The following ATP13A4 variants were observed in gnomAD, a reference collection of about 807,000 sequenced individuals.
ATP13A4 encodes the protein probable cation-transporting ATPase 13A4.
Under a neutral mutation model 142.5 loss-of-function variants are expected in ATP13A4, and 114 were observed. The observed-to-expected ratio is 0.80, with a 90% CI of 0.69 to 0.93. The LOEUF (loss-of-function observed/expected upper bound fraction) is 0.93, where lower values mean the gene tolerates loss of function less well. ATP13A4 is among the 40% of genes least tolerant of loss of function. The pLI is 0.00. For synonymous variants in ATP13A4, 488 were observed against 514.8 expected (o/e 0.95, Z 0.70); for missense variants, 1,392 against 1,454.0 (o/e 0.96, Z 0.69).
chr3:193,585,683 T>C (rs1166223992), intron 1 of ATP13A4, among the ~76,000 whole-genome samples: 7 of 152,092 alleles, frequency 4.6e-5, no homozygotes, highest in Non-Finnish European at 1.0e-4. Context: ...CCGCAGGTCA[T>C]TCTGTTTGTT....
chr3:193,440,837 CA>C (rs1238653333), intron 20 of ATP13A4, among the ~76,000 whole-genome samples, 200 bp from the exon 21 acceptor site: 1 of 152,056 alleles, frequency 6.6e-6, no homozygotes, highest in African/African-American at 2.4e-5. Flanking sequence ...AAACAAAAAT[CA>C]GTAAAGATAA....
intron 25 of ATP13A4, among the ~76,000 whole-genome samples, chr3:193,427,726 T>G (rs1715742764): frequency 6.6e-6 from 1 of 152,172 alleles, no homozygotes; most frequent in African/African-American, 2.4e-5. Flanking sequence ...CTGGGAAAAC[T>G]GGCTAGCCAT....
chr3:193,492,258 T>C (rs948606666), intron 5 of ATP13A4, among the ~76,000 whole-genome samples: 4 of 152,184 alleles, frequency 2.6e-5, no homozygotes, highest in Non-Finnish European at 5.9e-5. Flanking sequence ...GGGAAGCATG[T>C]GAATCATAGA....
intron 25 of ATP13A4, among the ~76,000 whole-genome samples, chr3:193,431,200 T>C (rs1229441877): frequency 3.9e-5 from 6 of 152,250 alleles, no homozygotes; most frequent in Middle Eastern, 3.4e-3. Flanking sequence ...TTTGTTTCAC[T>C]GATGTATTAT....
intron 25 of ATP13A4, among the ~76,000 whole-genome samples, chr3:193,421,469 AT>A (rs1715397241): frequency 6.7e-6 from 1 of 149,966 alleles, no homozygotes; most frequent in Non-Finnish European, 1.5e-5. Flanking sequence ...ATATGAAAGT[AT>A]AAAATTCACT....
chr3:193,550,447 C>G (rs1723488268), intron 1 of ATP13A4, among the ~76,000 whole-genome samples: 1 of 151,914 alleles, frequency 6.6e-6, no homozygotes, highest in Admixed American at 6.6e-5. Flanking sequence ...GCTGGGACTA[C>G]AGGTGGATAC....
intron 25 of ATP13A4, among the ~76,000 whole-genome samples, chr3:193,415,820 T>C (rs1715030545): frequency 1.3e-5 from 2 of 152,172 alleles, no homozygotes; most frequent in South Asian, 4.1e-4. Flanking sequence ...GGAAATTTCC[T>C]TGGAGGAATT....
rs111458372 is a variant in ATP13A4, at chr3:193,502,009, C to T, written c.381+484G>A. 3.7e-3 allele frequency among the ~76,000 whole-genome samples: 570 copies of T among 152,240 alleles called. 5 individuals are homozygous for T. The highest frequency in any genetic ancestry group is 0.013 in the African/African-American group (533 of 41,552). ...GGGCTGGGCGGTACATGCCTGCAATCCCAGCTACTAGGGAGGCTGAGGCAG... is the reference window on the plus strand; with the variant it reads ...GGGCTGGGCGGTACATGCCTGCAATTCCAGCTACTAGGGAGGCTGAGGCAG... On this transcript the variant is annotated intron_variant, in intron 3 of 29. Coordinates refer to ENST00000342695, the MANE Select transcript of ATP13A4 (RefSeq NM_032279.4).
intron 7 of ATP13A4, among the ~76,000 whole-genome samples, chr3:193,488,305 C>T (rs1719753013): frequency 6.6e-6 from 1 of 152,100 alleles, no homozygotes; most frequent in Admixed American, 6.6e-5. Flanking sequence ...CAGAACAGTA[C>T]ACATAGAATA....
chr3:193,498,277 T>C (rs533305737), intron 3 of ATP13A4, among the ~76,000 whole-genome samples: 1 of 151,116 alleles, frequency 6.6e-6, no homozygotes, highest in African/African-American at 2.4e-5. Context: ...AAGAAAAAGA[T>C]ACTAAAATAC....
In ATP13A4 at chr3:193,491,389, T is replaced by C. The variant is rs6788448; in HGVS notation, c.543A>G (p.Ile181Met). The change falls in exon 6 of 30, where the codon ATA becomes ATG. Residue 181 changes from isoleucine (I) to methionine (M), a missense_variant. Coordinates refer to ENST00000342695, the MANE Select transcript of ATP13A4 (RefSeq NM_032279.4). Reference protein sequence around the residue: ...TREEQEIRRLICGPNTIDVEV... With the variant: ...TREEQEIRRLMCGPNTIDVEV... ...CAACATCGATAGTATTAGGCCCACA[T>C]ATTAACCTCCTATAGAAAGAAATCA... 0.41 allele frequency: 649,776 copies of C among 1,581,422 alleles called. 135,312 individuals carry two copies. The highest frequency in any genetic ancestry group is 0.51 in the African/African-American group (37,902 of 74,114).
At chr3:193,541,289 T>C (rs1285826300) in intron 1 of ATP13A4, among the ~76,000 whole-genome samples, 1 of 149,630 alleles carries the variant, frequency 6.7e-6, no homozygotes, top group African/African-American at 2.5e-5. Context: ...ATAAATAGTG[T>C]TTTTTGAAAA....
intron 12 of ATP13A4, among the ~76,000 whole-genome samples, chr3:193,464,069 T>C (rs1194007498): frequency 6.6e-6 from 1 of 152,252 alleles, no homozygotes. Flanking sequence ...GTAAATTTTA[T>C]GTTATGTGTA....
In ATP13A4 at chr3:193,414,801, T is replaced by G. The variant is rs377510509; in HGVS notation, c.2843-51A>C. ...TTTATGAGAGCAGGAAAATGTATTC[T>G]TGATCAGAAGAATGGCATAAGTTCA... On this transcript the variant is annotated intron_variant, in intron 25 of 29. Transcript: ENST00000342695. The G allele has an allele frequency of 1.9e-5, 30 of 1,571,452 alleles. No homozygotes were observed. In the African/African-American group the frequency reaches 3.9e-4, roughly 21 times the overall value.
At chr3:193,476,127 T>C (rs892029129) in intron 8 of ATP13A4, among the ~76,000 whole-genome samples, 2 of 152,046 alleles carry the variant, frequency 1.3e-5, no homozygotes, top group Admixed American at 1.3e-4. Flanking sequence ...GACCTCATAA[T>C]GCATTTTATC....
intron 2 of ATP13A4, among the ~76,000 whole-genome samples, chr3:193,562,357 T>C (rs1418871327): frequency 6.6e-6 from 1 of 152,254 alleles, no homozygotes; most frequent in African/African-American, 2.4e-5. Flanking sequence ...CTGCAAGTTG[T>C]TATAGAATGC....
At chr3:193,516,227 A>G (rs1721406366) in intron 1 of ATP13A4, among the ~76,000 whole-genome samples, 1 of 152,192 alleles carries the variant, frequency 6.6e-6, no homozygotes, top group Admixed American at 6.5e-5. Flanking sequence ...TAAAGATTAC[A>G]TTGCCAGGAA....
chr3:193,487,457 T>C (rs1446183174), intron 7 of ATP13A4, among the ~76,000 whole-genome samples: 2 of 152,182 alleles, frequency 1.3e-5, no homozygotes, highest in Non-Finnish European at 1.5e-5. Context: ...TTATCTACTG[T>C]TGTAAGGAAT....
At chr3:193,555,286 C>A (rs1007317294), upstream of ATP13A4, among the ~76,000 whole-genome samples, 1 of 152,226 alleles carries the variant, frequency 6.6e-6, no homozygotes, top group Non-Finnish European at 1.5e-5. Context: ...CACAGAGCTG[C>A]AGATTTTCTT....
Sources: gnomAD v4.1 joint callset for allele counts (sites outside exome capture counted in the v4.1 genomes callset) on GRCh38, gnomAD v4.1.1 for gene constraint, MANE v1.5 for transcripts, NCBI Gene and HGNC (gene_info 2026-07-23, HGNC 2026-07-21) for gene names.